TCF12: variants seen among roughly 807,000 people sequenced by gnomAD.
TCF12 encodes DNA-binding protein HTF4.
In TCF12, 45 loss-of-function variants were observed where a neutral mutation model predicts 86.0. The ratio of observed to expected loss-of-function variants is 0.52; its 90% confidence interval spans 0.41 to 0.67. The LOEUF (loss-of-function observed/expected upper bound fraction) is 0.67, where lower values mean the gene tolerates loss of function less well. Ranked by LOEUF, TCF12 falls within the 30% of genes least tolerant of loss-of-function variation. The pLI is 0.00. For synonymous variants in TCF12, 330 were observed against 299.6 expected (o/e 1.10, Z -1.05); for missense variants, 881 against 859.9 (o/e 1.02, Z -0.31).
intron 3 of TCF12, among the ~76,000 whole-genome samples, chr15:57,050,428 A>G (rs1389072533): frequency 6.6e-6 from 1 of 152,064 alleles, no homozygotes; most frequent in African/African-American, 2.4e-5. Flanking sequence ...TCTTCGTATC[A>G]TTTTGCTCTT....
chr15:57,132,695 C>T (rs1216179579), intron 5 of TCF12, among the ~76,000 whole-genome samples: 12 of 152,068 alleles, frequency 7.9e-5, no homozygotes, highest in Non-Finnish European at 1.6e-4. Context: ...ACCTATTTTT[C>T]CTGATTTTTC....
intron 5 of TCF12, among the ~76,000 whole-genome samples, chr15:57,156,241 A>G (rs983971126): frequency 1.4e-4 from 22 of 152,360 alleles, no homozygotes; most frequent in South Asian, 8.3e-4. Context: ...CCAGAAGGGT[A>G]TGTCTTATTA....
chr15:57,114,197 A>G (rs1332707507), intron 5 of TCF12, among the ~76,000 whole-genome samples: 3 of 152,014 alleles, frequency 2.0e-5, no homozygotes, highest in Non-Finnish European at 4.4e-5. Context: ...TCTGTTTATT[A>G]CTCTATCAGG....
chr15:57,251,214 C>T, intron 13 of TCF12, 136 bp from the exon 14 acceptor site: 1 of 608,744 alleles, frequency 1.6e-6, no homozygotes, highest in South Asian at 2.5e-5. Flanking sequence ...TATAAGTAGC[C>T]AATACTATGC....
At chr15:56,965,869 A>G (rs1349529259) in intron 3 of TCF12, among the ~76,000 whole-genome samples, 1 of 152,220 alleles carries the variant, frequency 6.6e-6, no homozygotes, top group Non-Finnish European at 1.5e-5. Context: ...TGGCTCTGAT[A>G]GCATAAGTTA....
intron 6 of TCF12, among the ~76,000 whole-genome samples, chr15:57,170,690 A>AAT (rs1182191671): frequency 3.0e-4 from 1 of 3,360 alleles, no homozygotes; most frequent in African/African-American, 5.8e-4. Flanking sequence ...ATTATATATA[A>AAT]TATATATTAT....
chr15:57,214,596 A>T (rs540014251), intron 8 of TCF12, among the ~76,000 whole-genome samples: 1 of 152,344 alleles, frequency 6.6e-6, no homozygotes, highest in African/African-American at 2.4e-5. Flanking sequence ...ACAGTATGAC[A>T]TCTGATATCC....
At chr15:57,258,602 G>C (rs1364666654) in intron 16 of TCF12, among the ~76,000 whole-genome samples, 1 of 152,114 alleles carries the variant, frequency 6.6e-6, no homozygotes, top group African/African-American at 2.4e-5. Flanking sequence ...ATTGTTATAA[G>C]TCCTGATAAA....
chr15:57,028,895 T>G (rs1479584653), intron 3 of TCF12, among the ~76,000 whole-genome samples: 1 of 152,090 alleles, frequency 6.6e-6, no homozygotes, highest in African/African-American at 2.4e-5. Flanking sequence ...CCCTCCCGGT[T>G]CAAGCGATTC....
At position 57,170,652 on chromosome 15, in the gene TCF12, TTATATAAAATATATATATATATA is replaced by T. The variant is rs1567557374; in HGVS notation, c.390+4187_390+4209del. Among the ~76,000 whole-genome samples, 226 of 44,924 alleles carry T rather than the reference TTATATAAAATATATATATATATA, an allele frequency of 5.0e-3. 3 individuals carry two copies. The highest frequency in any genetic ancestry group is 6.9e-3 in the Admixed American group (18 of 2,596). 29.5% of individuals were successfully genotyped at this position (44,924 alleles called of 152,430 possible). Reference sequence around the variant, plus strand: ...TTTATATATATATATAATATATATATTATATAAAATATATATATATATAATATATTATATATAATATATATTAT... The same window carrying T: ...TTTATATATATATATAATATATATATATATATTATATATAATATATATTAT... On this transcript the variant is annotated intron_variant, in intron 6 of 20. Transcript: ENST00000333725.
chr15:57,216,676 T>C (rs1405183491), intron 8 of TCF12, among the ~76,000 whole-genome samples: 1 of 151,990 alleles, frequency 6.6e-6, no homozygotes, highest in Non-Finnish European at 1.5e-5. Context: ...GACAAGAAAT[T>C]GTGCTACAGC....
intron 3 of TCF12, among the ~76,000 whole-genome samples, chr15:57,032,525 C>T (rs760343947): frequency 2.6e-5 from 4 of 152,226 alleles, no homozygotes; most frequent in Non-Finnish European, 4.4e-5. Flanking sequence ...ACCTCCCATG[C>T]TCAAGTGATC....
At chr15:57,122,481 A>G (rs529577764) in intron 5 of TCF12, among the ~76,000 whole-genome samples, 1 of 152,334 alleles carries the variant, frequency 6.6e-6, no homozygotes, top group South Asian at 2.1e-4. Flanking sequence ...AATTCTTTTA[A>G]CAGCATTATT....
intron 5 of TCF12, among the ~76,000 whole-genome samples, chr15:57,124,820 G>A (rs2051515920): frequency 6.6e-6 from 1 of 151,840 alleles, no homozygotes; most frequent in Non-Finnish European, 1.5e-5. Flanking sequence ...TGGAACTACA[G>A]GTGCCCACCA....
chr15:57,023,787 CT>C (rs2065643744), intron 3 of TCF12, among the ~76,000 whole-genome samples: 1 of 152,060 alleles, frequency 6.6e-6, no homozygotes, highest in South Asian at 2.1e-4. Flanking sequence ...AGGTGCCAAC[CT>C]TTTTGGCACC....
rs1323543803 is a variant in TCF12, at chr15:57,059,766, A to G, written c.149-3984A>G. Among the ~76,000 whole-genome samples, 5 of 150,444 alleles carry G rather than the reference A, an allele frequency of 3.3e-5. No individual in the cohort carries two copies. In the East Asian group the frequency reaches 5.9e-4, roughly 18 times the overall value. On this transcript the variant is annotated intron_variant, in intron 3 of 20. Coordinates refer to ENST00000333725, the MANE Select transcript of TCF12 (RefSeq NM_207037.2). ...TGGGGGGAGGGTGGAGGGAAACACAATAGGTGCTTAGGGCATAGAAAAGCA... is the reference window on the plus strand; with the variant it reads ...TGGGGGGAGGGTGGAGGGAAACACAGTAGGTGCTTAGGGCATAGAAAAGCA...
chr15:56,964,366 G>T (rs12439165), intron 3 of TCF12, among the ~76,000 whole-genome samples: 1 of 152,136 alleles, frequency 6.6e-6, no homozygotes, highest in Admixed American at 6.6e-5. Context: ...CAGACTCTGT[G>T]ATCTGCCTGC....
chr15:57,061,055 G>A (rs1443850410), intron 3 of TCF12, among the ~76,000 whole-genome samples: 1 of 152,128 alleles, frequency 6.6e-6, no homozygotes, highest in Non-Finnish European at 1.5e-5. Flanking sequence ...CATTCTTTGA[G>A]CCCCTTGTCA....
intron 3 of TCF12, among the ~76,000 whole-genome samples, chr15:56,933,780 A>G (rs562230764): frequency 6.6e-6 from 1 of 152,240 alleles, no homozygotes; most frequent in South Asian, 2.1e-4. Context: ...GAGAGAGGGA[A>G]TCTTCATATA....
Sources: allele counts gnomAD v4.1 joint callset (sites outside exome capture counted in the v4.1 genomes callset), GRCh38; gene constraint gnomAD v4.1.1; transcripts MANE v1.5; gene names NCBI Gene and HGNC (gene_info 2026-07-23, HGNC 2026-07-21).